Variants in RCOR1 observed in about 807,000 individuals in gnomAD.
RCOR1 encodes REST corepressor.
RCOR1 carries 12 observed loss-of-function variants against 64.0 expected under a neutral mutation model. That is an observed-to-expected ratio of 0.19 (90% confidence interval 0.12 to 0.30). RCOR1 has a LOEUF of 0.30. Among genes scored for constraint, RCOR1 ranks in the 10% least tolerant of loss-of-function variants. RCOR1 has a pLI of 1.00. For synonymous variants in RCOR1, 279 were observed against 227.2 expected (o/e 1.23, Z -2.05); for missense variants, 502 against 621.2 (o/e 0.81, Z 2.04).
intron 3 of RCOR1, among the ~76,000 whole-genome samples, chr14:102,683,012 C>G (rs1262366682): frequency 6.6e-6 from 1 of 152,140 alleles, no homozygotes; most frequent in East Asian, 1.9e-4. Context: ...GTATTAGTCA[C>G]TTTTCCTATT....
At chr14:102,630,018 G>A in intron 2 of RCOR1, 1 of 971,846 alleles carries the variant, frequency 1.0e-6, no homozygotes, top group Non-Finnish European at 1.2e-6. Flanking sequence ...GGGAGTCTTG[G>A]GCAGATTACT....
At chr14:102,624,614 A>C (rs1297147380) in intron 2 of RCOR1, among the ~76,000 whole-genome samples, 2 of 152,068 alleles carry the variant, frequency 1.3e-5, no homozygotes, top group Non-Finnish European at 2.9e-5. Context: ...AAAAGTACAA[A>C]AATTAGCCAG....
chr14:102,610,374 A>G (rs988471529), intron 2 of RCOR1, among the ~76,000 whole-genome samples: 1 of 152,114 alleles, frequency 6.6e-6, no homozygotes, highest in African/African-American at 2.4e-5. Flanking sequence ...AAAATTAAAT[A>G]AAATTAAAAA....
In RCOR1 at chr14:102,592,787, C is replaced by CCCGGCCCCGCG. The variant is rs1214257653; in HGVS notation, c.-86_-76dup. 1.7e-5 allele frequency: 20 copies of CCCGGCCCCGCG among 1,193,658 alleles called. No individual in the cohort carries two copies. The Admixed American group carries it at 1.8e-4, about 11-fold the overall frequency. The allele number at this position is 1,193,658 out of a possible 1,614,324, so 73.9% of individuals were successfully genotyped here. On this transcript the variant is annotated 5_prime_UTR_variant, in exon 1 of 12. Transcript: ENST00000262241. Reference sequence around the variant, plus strand: ...CGCCCGTGGGCTCCCGCCGCGCCCGCCCGGCCCCGCGCCGGCCCCGCGCCC... The same window carrying CCCGGCCCCGCG: ...CGCCCGTGGGCTCCCGCCGCGCCCGCCCGGCCCCGCGCCGGCCCCGCGCCGGCCCCGCGCCC...
intron 2 of RCOR1, among the ~76,000 whole-genome samples, chr14:102,623,047 A>G (rs1023960404): frequency 2.6e-5 from 4 of 151,436 alleles, no homozygotes; most frequent in African/African-American, 7.3e-5. Flanking sequence ...TTTATTTTCA[A>G]CCTTTCTTTA....
intron 2 of RCOR1, among the ~76,000 whole-genome samples, chr14:102,653,949 T>TTCTTTCTTTCTTTCTTTCTTTCTTTC (rs1894653149): frequency 1.8e-5 from 1 of 55,838 alleles, no homozygotes; most frequent in Non-Finnish European, 3.2e-5. Flanking sequence ...CTTTCTTTCT[T>TTCTTTCTTTCTTTCTTTCTTTCTTTC]TCTTTCTTTC....
chr14:102,705,509 ATCATAGC>A, intron 4 of RCOR1, among the ~76,000 whole-genome samples: 1 of 152,242 alleles, frequency 6.6e-6, no homozygotes, highest in Admixed American at 6.5e-5. Context: ...CAGTGGTGTG[ATCATAGC>A]TCACTGCAGC....
At chr14:102,644,568 G>T (rs1300245184) in intron 2 of RCOR1, among the ~76,000 whole-genome samples, 2 of 152,024 alleles carry the variant, frequency 1.3e-5, no homozygotes, top group African/African-American at 4.8e-5. Flanking sequence ...TCCTGCTATG[G>T]CATTAACTTC....
chr14:102,668,010 G>T (rs1007342575), intron 2 of RCOR1, among the ~76,000 whole-genome samples: 4 of 152,116 alleles, frequency 2.6e-5, no homozygotes, highest in African/African-American at 7.2e-5. Context: ...TGAGAAATTT[G>T]CAGTGTTAGA....
intron 2 of RCOR1, among the ~76,000 whole-genome samples, chr14:102,594,328 T>C (rs2896448): frequency 6.7e-6 from 1 of 149,648 alleles, no homozygotes; most frequent in Non-Finnish European, 1.5e-5. Flanking sequence ...TGGGGTTCTG[T>C]ATGTGGGTTA....
intron 2 of RCOR1, among the ~76,000 whole-genome samples, chr14:102,615,903 G>A (rs1173913707): frequency 6.6e-6 from 1 of 152,238 alleles, no homozygotes; most frequent in Non-Finnish European, 1.5e-5. Context: ...CTCCCCAACA[G>A]GAGGTAGGCC....
chr14:102,613,056 T>C (rs1414876083), intron 2 of RCOR1, among the ~76,000 whole-genome samples: 1 of 151,982 alleles, frequency 6.6e-6, no homozygotes, highest in South Asian at 2.1e-4. Flanking sequence ...TGGTTGTTGT[T>C]GTTGTTTGTT....
chr14:102,724,959 G>C (rs1300603402), intron 11 of RCOR1, among the ~76,000 whole-genome samples: 2 of 152,204 alleles, frequency 1.3e-5, no homozygotes, highest in Non-Finnish European at 2.9e-5. Flanking sequence ...GAGAACATGA[G>C]AATTCCTAGA....
chr14:102,719,661 G>A (rs1018889025), intron 8 of RCOR1, among the ~76,000 whole-genome samples: 3 of 152,206 alleles, frequency 2.0e-5, no homozygotes, highest in African/African-American at 4.8e-5. Flanking sequence ...ATCAGGAAGA[G>A]GGGTATAGGC....
rs558530619 is a variant in RCOR1 at position 102,649,494 on chromosome 14, A to G, written c.362-32401A>G. On this transcript the variant is annotated intron_variant, in intron 2 of 11. Transcript: ENST00000262241. ...TTCCCATCCTCTCTTGTAGTTTGTC[A>G]TAGATGTGTGACTTCTATTCCATGC... 1.5e-4 allele frequency among the ~76,000 whole-genome samples: 23 copies of G among 152,308 alleles called. No homozygotes were observed. In the South Asian group the frequency reaches 2.3e-3, roughly 15 times the overall value.
Position 102,691,889 on chromosome 14 carries a change from C to T in RCOR1, c.446-9389C>T, listed in dbSNP as rs141314709. 2.6e-3 allele frequency among the ~76,000 whole-genome samples: 390 copies of T among 152,286 alleles called. 2 individuals carry two copies. Among genetic ancestry groups the T allele is most frequent in the African/African-American group, 8.6e-3 (357 of 41,550 alleles). On this transcript the variant is annotated intron_variant, in intron 3 of 11. Coordinates refer to ENST00000262241, the MANE Select transcript of RCOR1 (RefSeq NM_015156.4). ...ATTACAAATATTACTGCTGGGGAAG[C>T]ATTCTTGGACCTATTTCTTGATGCC...
chr14:102,616,246 GTGTA>G (rs1159281201), intron 2 of RCOR1, among the ~76,000 whole-genome samples: 2 of 108,386 alleles, frequency 1.8e-5, no homozygotes, highest in South Asian at 3.3e-4. Context: ...GTGTGTGTGT[GTGTA>G]TGTGTGTGTG....
At chr14:102,607,749 GCAC>G (rs1408868744) in intron 2 of RCOR1, among the ~76,000 whole-genome samples, 2 of 152,172 alleles carry the variant, frequency 1.3e-5, no homozygotes, top group African/African-American at 4.8e-5. Flanking sequence ...GGGTGTGGTG[GCAC>G]CTGCCTTTAA....
chr14:102,678,049 G>C (rs1212402875), intron 2 of RCOR1, among the ~76,000 whole-genome samples: 1 of 150,554 alleles, frequency 6.6e-6, no homozygotes, highest in Admixed American at 6.6e-5. Flanking sequence ...AAAAAAAAAC[G>C]AAAACCAGTC....
Sources: gnomAD v4.1 joint callset for allele counts (sites outside exome capture counted in the v4.1 genomes callset) on GRCh38, gnomAD v4.1.1 for gene constraint, MANE v1.5 for transcripts, NCBI Gene and HGNC (gene_info 2026-07-23, HGNC 2026-07-21) for gene names.